FRMPD1: variants seen among roughly 807,000 people sequenced by gnomAD.
FRMPD1 encodes the protein FERM and PDZ domain-containing protein 1.
FRMPD1 carries 76 observed loss-of-function variants against 117.8 expected under a neutral mutation model. That is an observed-to-expected ratio of 0.65 (90% CI 0.54 to 0.78). The LOEUF (loss-of-function observed/expected upper bound fraction) is 0.78. Ranked by LOEUF, FRMPD1 falls within the 30% of genes least tolerant of loss-of-function variation. FRMPD1 has a pLI of 0.00. For synonymous variants in FRMPD1, 783 were observed against 770.4 expected (o/e 1.02, Z -0.27); for missense variants, 1,786 against 1,964.5 (o/e 0.91, Z 1.72).
intron 1 of FRMPD1, among the ~76,000 whole-genome samples, chr9:37,654,772 C>T (rs1162861352): frequency 6.6e-6 from 1 of 152,200 alleles, no homozygotes; most frequent in African/African-American, 2.4e-5. Flanking sequence ...CAGGTATTAT[C>T]CTCACAGTTA....
intron 1 of FRMPD1, among the ~76,000 whole-genome samples, chr9:37,662,334 T>C (rs1399451579): frequency 6.6e-6 from 1 of 152,192 alleles, no homozygotes; most frequent in Admixed American, 6.5e-5. Flanking sequence ...CACTGCCATA[T>C]TGGGGATCAC....
chr9:37,707,171 T>G (rs1229637645), intron 2 of FRMPD1, among the ~76,000 whole-genome samples: 1 of 152,222 alleles, frequency 6.6e-6, no homozygotes. Context: ...TGTGTGTCCA[T>G]AGCACTTCCT....
intron 7 of FRMPD1, among the ~76,000 whole-genome samples, chr9:37,726,582 C>T (rs1823626493): frequency 6.6e-6 from 1 of 152,106 alleles, no homozygotes; most frequent in East Asian, 1.9e-4. Flanking sequence ...CCTGTAGTCC[C>T]AGCTACTTGG....
At position 37,740,498 on chromosome 9, in the gene FRMPD1, G is replaced by C; in HGVS notation, c.1970G>C (p.Cys657Ser). The change falls in exon 15 of 16, where the codon TGT becomes TCT. Residue 657 changes from cysteine (C) to serine (S), a missense_variant. Transcript: ENST00000377765. The surrounding 1 kb of genome is among the most constrained non-coding windows in gnomAD (Gnocchi z 4.2). ...GGGATTGAAACCAGTGGCTTCCTCT[G>C]TCTCCTGGACCTGGCCCAGAGAGCC... ...RSGIETSGFL[C>S]LLDLAQRANP... 2 of 1,614,164 alleles carry C rather than the reference G, an allele frequency of 1.2e-6. No individual in the cohort carries two copies. The highest frequency in any genetic ancestry group is 2.2e-5 in the South Asian group (2 of 91,080).
intron 8 of FRMPD1, 27 bp from the exon 9 acceptor site, chr9:37,730,957 T>C (rs1228717474): frequency 6.2e-7 from 1 of 1,611,002 alleles, no homozygotes; most frequent in Non-Finnish European, 8.5e-7. Flanking sequence ...GTTAGGAGAT[T>C]AATAGTATCT....
chr9:37,654,940 G>A (rs1820795251), intron 1 of FRMPD1, among the ~76,000 whole-genome samples: 1 of 152,172 alleles, frequency 6.6e-6, no homozygotes, highest in African/African-American at 2.4e-5. Flanking sequence ...ACAACTTCGG[G>A]GACATTGCAC....
chr9:37,653,479 T>G (rs993492368), intron 1 of FRMPD1, among the ~76,000 whole-genome samples: 2 of 152,020 alleles, frequency 1.3e-5, no homozygotes, highest in Non-Finnish European at 2.9e-5. Flanking sequence ...GGCAGGGGCT[T>G]TTTGTTATTT....
rs141611918 is a variant in FRMPD1 at position 37,707,505 on chromosome 9, C to G, written c.191C>G (p.Thr64Ser). The change falls in exon 3 of 16, where the codon ACC (threonine) becomes AGC (serine). Residue 64 changes from threonine (T) to serine (S), a missense_variant. By Grantham distance (58) the Thr-to-Ser change is moderately conservative. Coordinates refer to ENST00000377765, the MANE Select transcript of FRMPD1 (RefSeq NM_014907.3). ...VRHTVKIDKD[T>S]LLQDYGFHIS... is the part of the protein sequence containing the mutation. The stretch of plus-strand genomic sequence containing the variant: ...CACACAGTAAAGATAGACAAAGACA[C>G]CCTCCTCCAGGACTATGGATTTCAC... 3.6e-4 allele frequency: 589 copies of G among 1,613,942 alleles called. No individual in the cohort carries two copies. Among genetic ancestry groups the G allele is most frequent in the Non-Finnish European group, 4.8e-4 (569 of 1,179,788 alleles).
In FRMPD1 at chr9:37,723,740, C is replaced by T. The variant is rs570300759; in HGVS notation, c.517-485C>T. Among the ~76,000 whole-genome samples the T allele has an allele frequency of 2.6e-5, 4 of 152,250 alleles. No homozygotes were observed. In the East Asian group the frequency reaches 7.7e-4, roughly 29 times the overall value. On this transcript the variant is annotated intron_variant, in intron 6 of 15. Transcript: ENST00000377765. ...GGGCACAGTGGCTTAGGCCTGTAATCCCAGCACTTTGGGAGGCTGAGGCGG... is the reference window on the plus strand; with the variant it reads ...GGGCACAGTGGCTTAGGCCTGTAATTCCAGCACTTTGGGAGGCTGAGGCGG...
chr9:37,746,273 C>G lies in FRMPD1; in HGVS notation c.4241C>G (p.Thr1414Ser), dbSNP rs756093847. The change falls in exon 16 of 16, where the codon ACC becomes AGC. Residue 1414 changes from threonine (T) to serine (S), a missense_variant. By Grantham distance (58) the Thr-to-Ser change is moderately conservative (BLOSUM62 1). Coordinates refer to ENST00000377765, the MANE Select transcript of FRMPD1 (RefSeq NM_014907.3). ...CSRALRQLKA[T>S]PASTPEGFIQ... is the part of the protein sequence containing the mutation. ...AGGGCACTGAGACAGCTGAAAGCCA[C>G]CCCTGCCAGCACCCCTGAGGGCTTC... 7.4e-6 allele frequency: 12 copies of G among 1,612,786 alleles called. No individual in the cohort carries two copies. The highest frequency in any genetic ancestry group is 9.3e-6 in the Non-Finnish European group (11 of 1,179,836).
In FRMPD1 at chr9:37,719,095, CGAG is replaced by C. The variant is rs777348648; in HGVS notation, c.439_441del (p.Glu147del). ...GAGTCCCTAAATCGTCCTTCCTGAC[CGAG>C]GAGAAGAGAGCCAGACTGAAGACCA... is the stretch of plus-strand genomic sequence containing the variant. On this transcript the variant is annotated inframe_deletion, in exon 6 of 16. Coordinates refer to ENST00000377765, the MANE Select transcript of FRMPD1 (RefSeq NM_014907.3). The C allele has an allele frequency of 1.2e-6, 2 of 1,612,638 alleles. No homozygotes were observed. Among genetic ancestry groups the C allele is most frequent in the Non-Finnish European group, 1.7e-6 (2 of 1,178,694 alleles).
chr9:37,637,234 GC>G, the FRMPD1 span: 1 of 1,610,096 alleles, frequency 6.2e-7, no homozygotes. Context: ...GGCATGACTT[GC>G]CCACGCCTGA....
rs1588980648 is a variant in FRMPD1, at chr9:37,746,806, G to A, written c.*37G>A. ...GCCCAAGGGCCTCCTGCCCTGTCCT[G>A]CCTTGGACACTTCCCTGAGAAGCCC... On this transcript the variant is annotated 3_prime_UTR_variant, in exon 16 of 16. Coordinates refer to ENST00000377765, the MANE Select transcript of FRMPD1 (RefSeq NM_014907.3). 11 of 1,430,002 alleles carry A rather than the reference G, an allele frequency of 7.7e-6. No homozygotes were observed. The highest frequency in any genetic ancestry group is 1.1e-5 in the Non-Finnish European group (11 of 1,018,942). The allele number at this position is 1,430,002 out of a possible 1,614,324, so 88.6% of individuals were successfully genotyped here.
chr9:37,729,583 G>A, intron 7 of FRMPD1, 145 bp from the exon 8 acceptor site: 2 of 765,698 alleles, frequency 2.6e-6, no homozygotes, highest in Non-Finnish European at 4.3e-6. Flanking sequence ...GGGGCCTGAT[G>A]AGTGGGACCA....
rs772024773 is a variant in FRMPD1 at position 37,733,812 on chromosome 9, A to T, written c.1205A>T (p.Asn402Ile). 1.7e-5 allele frequency: 26 copies of T among 1,549,308 alleles called. No individual in the cohort carries two copies. The highest frequency in any genetic ancestry group is 1.8e-6 in the Non-Finnish European group (2 of 1,121,370). The change falls in exon 12 of 16, where the codon AAT (asparagine) becomes ATT (isoleucine). Residue 402 changes from asparagine (N) to isoleucine (I), a missense_variant. Coordinates refer to ENST00000377765, the MANE Select transcript of FRMPD1 (RefSeq NM_014907.3). ...ELKTYGGRIF[N>I]ATLMLQDRES... is the part of the protein sequence containing the mutation. ...AAGACATATGGTGGAAGAATCTTTA[A>T]TGCTACTTTAATGGTATGTATTAGA... is the stretch of plus-strand genomic sequence containing the variant.
chr9:37,745,699 C>T lies in FRMPD1; in HGVS notation c.3667C>T (p.Pro1223Ser). 6.2e-7 allele frequency: 1 copy of T among 1,614,116 alleles called. No individual in the cohort carries two copies. The highest frequency in any genetic ancestry group is 8.5e-7 in the Non-Finnish European group (1 of 1,179,982). The change falls in exon 16 of 16, where the codon CCA (proline) becomes TCA (serine). Residue 1223 changes from proline to serine, a missense_variant. Coordinates refer to ENST00000377765, the MANE Select transcript of FRMPD1 (RefSeq NM_014907.3). Reference sequence around the variant, plus strand: ...GCAGACAGTTTCACCAGCCGTCCCTCCAGAGGGGATCAAGGCAGAGGCACC... The same window carrying T: ...GCAGACAGTTTCACCAGCCGTCCCTTCAGAGGGGATCAAGGCAGAGGCACC... ...GKQTVSPAVP[P>S]EGIKAEAPNH...
At position 37,731,063 on chromosome 9, in the gene FRMPD1, T is replaced by C; in HGVS notation, c.818T>C (p.Leu273Pro). ...GTTCCCAAGGACCCCCTGGACCTCC[T>C]GAAAGAAGACCCCGTGGCCTTTGAA... ...CFVPKDPLDL[L>P]KEDPVAFEYL... Residue 273 changes from leucine (L) to proline (P), a missense_variant, in exon 9 of 16, where the codon CTG (leucine) becomes CCG (proline). Coordinates refer to ENST00000377765, the MANE Select transcript of FRMPD1 (RefSeq NM_014907.3). 1 of 1,613,792 alleles carries C rather than the reference T, an allele frequency of 6.2e-7. No individual in the cohort carries two copies. Among genetic ancestry groups the C allele is most frequent in the Non-Finnish European group, 8.5e-7 (1 of 1,179,648 alleles).
chr9:37,711,377 AGTT>A lies in FRMPD1; in HGVS notation c.394_396del (p.Val132del). Reference sequence around the variant, plus strand: ...AAGCAGAAGATTCTCTTTCAATCACAGTTGTTCGCTGCACGTCGGTAAATCTCT... The same window carrying A: ...AAGCAGAAGATTCTCTTTCAATCACAGTTCGCTGCACGTCGGTAAATCTCT... On this transcript the variant is annotated inframe_deletion, in exon 5 of 16. Transcript: ENST00000377765. The A allele has an allele frequency of 6.2e-7, 1 of 1,610,288 alleles. No individual in the cohort carries two copies. Among genetic ancestry groups the A allele is most frequent in the South Asian group, 1.1e-5 (1 of 90,988 alleles).
At chr9:37,736,830 T>G (rs1036966728) in intron 13 of FRMPD1, among the ~76,000 whole-genome samples, 2 of 151,430 alleles carry the variant, frequency 1.3e-5, no homozygotes, top group Admixed American at 1.3e-4. Context: ...GGACCCACTG[T>G]GTGTGAGTGA....
Sources: allele counts gnomAD v4.1 joint callset (sites outside exome capture counted in the v4.1 genomes callset), GRCh38; gene constraint gnomAD v4.1.1; non-coding constraint Gnocchi (gnomAD v3.1); transcripts MANE v1.5; gene names NCBI Gene and HGNC (gene_info 2026-07-23, HGNC 2026-07-21).